Variants in TENM1 observed in about 807,000 individuals in gnomAD.
TENM1 encodes the protein teneurin transmembrane protein 1.
Under a neutral mutation model 174.8 loss-of-function variants are expected in TENM1, and 35 were observed. The ratio of observed to expected loss-of-function variants is 0.20; its 90% CI spans 0.15 to 0.27. TENM1 has a LOEUF of 0.27. Ranked by LOEUF, TENM1 falls within the 10% of genes least tolerant of loss-of-function variation. The pLI, the probability that TENM1 is intolerant of heterozygous loss-of-function variation, is 1.00. For missense variants in TENM1, 1,633 were observed against 2,130.1 expected (o/e 0.77, Z 4.59); for synonymous variants, 781 against 798.7 (o/e 0.98, Z 0.37).
intron 15 of TENM1, among the ~76,000 whole-genome samples, chrX:124,537,851 G>A (rs1268479049): frequency 2.7e-5 from 3 of 112,021 alleles, no homozygotes; most frequent in Non-Finnish European, 5.6e-5. Flanking sequence ...GCAGCAAGTA[G>A]GATAGATAAA....
At chrX:124,568,771 A>G (rs1016823876) in intron 11 of TENM1, among the ~76,000 whole-genome samples, 2 of 111,684 alleles carry the variant, frequency 1.8e-5, no homozygotes, top group African/African-American at 6.5e-5. Context: ...CAGAGAGAAG[A>G]GCCTGACATT....
chrX:124,718,310 C>A (rs2148516293), intron 4 of TENM1, among the ~76,000 whole-genome samples: 1 of 111,955 alleles, frequency 8.9e-6, no homozygotes, highest in Admixed American at 9.5e-5. Flanking sequence ...GTTAGAAGAT[C>A]ATTCGTTAGT....
intron 3 of TENM1, among the ~76,000 whole-genome samples, chrX:124,809,097 G>A (rs1488284036): frequency 1.8e-5 from 2 of 110,747 alleles, no homozygotes; most frequent in Non-Finnish European, 3.8e-5. Context: ...AGACTCAAAC[G>A]AAAATCAGAC....
chrX:125,160,010 G>C, the TENM1 span, among the ~76,000 whole-genome samples: 9 of 108,710 alleles, frequency 8.3e-5, no homozygotes, highest in African/African-American at 2.7e-4. Flanking sequence ...GACTAGCCTG[G>C]TCAATATTGT....
chrX:124,503,423 TTA>T, intron 19 of TENM1, 135 bp downstream of exon 22: 1 of 504,017 alleles, frequency 2.0e-6, no homozygotes, highest in Non-Finnish European at 3.2e-6. Flanking sequence ...AATAGAATTA[TTA>T]TGTTTAATGC....
At chrX:124,650,115 T>A (rs1156938158) in intron 8 of TENM1, among the ~76,000 whole-genome samples, 1 of 95,769 alleles carries the variant, frequency 1.0e-5, no homozygotes, top group Non-Finnish European at 2.0e-5. Context: ...GGCAGGAAAA[T>A]CACTTGAACC....
the TENM1 span, among the ~76,000 whole-genome samples, chrX:125,162,110 A>G: frequency 9.0e-6 from 1 of 111,279 alleles, no homozygotes; most frequent in Non-Finnish European, 1.9e-5. Context: ...GCATTGTTGT[A>G]TGAGGTTGTC....
At chrX:124,541,571 G>T (rs188286475) in intron 15 of TENM1, among the ~76,000 whole-genome samples, 19 of 112,137 alleles carry the variant, frequency 1.7e-4, no homozygotes, top group Non-Finnish European at 3.0e-4. Flanking sequence ...CTGCAGGACT[G>T]TGAGCCAATT....
intron 20 of TENM1, among the ~76,000 whole-genome samples, chrX:124,495,258 G>A (rs1476104646): frequency 9.6e-6 from 1 of 104,481 alleles, no homozygotes; most frequent in Non-Finnish European, 2.0e-5. Flanking sequence ...TTTCTCTGAT[G>A]GCCAGTGATG....
chrX:125,023,225 G>A, the TENM1 span, among the ~76,000 whole-genome samples: 2 of 111,100 alleles, frequency 1.8e-5, no homozygotes, highest in East Asian at 5.7e-4. Context: ...GATAGTGAGT[G>A]AATTCTCATG....
chrX:124,821,647 T>C (rs1330258836), intron 3 of TENM1, among the ~76,000 whole-genome samples: 1 of 112,232 alleles, frequency 8.9e-6, no homozygotes, highest in Non-Finnish European at 1.9e-5. Flanking sequence ...AGAAATATTC[T>C]TCAGAAGAGC....
intron 11 of TENM1, among the ~76,000 whole-genome samples, chrX:124,588,075 C>T: frequency 8.9e-6 from 1 of 111,916 alleles, no homozygotes; most frequent in East Asian, 2.8e-4. Flanking sequence ...AATAGGAACA[C>T]TTTTACACTG....
chrX:125,048,276 G>A, the TENM1 span, among the ~76,000 whole-genome samples: 1 of 88,845 alleles, frequency 1.1e-5, no homozygotes, highest in African/African-American at 4.5e-5. Flanking sequence ...TTGAGATGGG[G>A]TCTCACTATG....
At chrX:124,941,119 C>T (rs1258101395) in intron 1 of TENM1, among the ~76,000 whole-genome samples, 1 of 111,362 alleles carries the variant, frequency 9.0e-6, no homozygotes, top group Non-Finnish European at 1.9e-5. Flanking sequence ...CTCAGCCAAG[C>T]ATCTTAAAAG....
intron 4 of TENM1, among the ~76,000 whole-genome samples, chrX:124,727,065 C>T (rs1295263262): frequency 1.8e-5 from 2 of 112,044 alleles, no homozygotes; most frequent in East Asian, 5.6e-4. Context: ...GTCACATTGG[C>T]CTAAAGCCAT....
intron 3 of TENM1, among the ~76,000 whole-genome samples, chrX:124,776,571 C>T (rs980018262): frequency 6.3e-5 from 7 of 111,661 alleles, no homozygotes; most frequent in African/African-American, 1.9e-4. Context: ...CGATGAATAT[C>T]GATTGAAAAG....
intron 1 of TENM1, among the ~76,000 whole-genome samples, chrX:124,897,955 C>G (rs112942161): frequency 1.8e-5 from 2 of 112,539 alleles, no homozygotes; most frequent in Non-Finnish European, 3.7e-5. Context: ...ATTCATGCCT[C>G]TTAATTTCAC....
At chrX:124,980,928 G>A in the TENM1 span, among the ~76,000 whole-genome samples, 1 of 111,619 alleles carries the variant, frequency 9.0e-6, no homozygotes, top group African/African-American at 3.3e-5. Flanking sequence ...TCATAAAATA[G>A]CAATTATAAA....
At chrX:125,139,765 C>T in the TENM1 span, among the ~76,000 whole-genome samples, 14 of 106,853 alleles carry the variant, frequency 1.3e-4, no homozygotes, top group Non-Finnish European at 2.5e-4. Flanking sequence ...TTTGATATCA[C>T]TTCTTTAGCC....
Sources: allele counts gnomAD v4.1 joint callset (sites outside exome capture counted in the v4.1 genomes callset), GRCh38; gene constraint gnomAD v4.1.1; transcripts MANE v1.5; gene names NCBI Gene and HGNC (gene_info 2026-07-23, HGNC 2026-07-21).